Variants in SPRY3 observed in about 807,000 individuals in gnomAD.
SPRY3 encodes sprouty RTK signaling antagonist 3, also known as protein sprouty homolog 3.
SPRY3 carries 15 observed loss-of-function variants against 20.2 expected under a neutral mutation model. The observed-to-expected ratio is 0.74, with a 90% CI of 0.50 to 1.14. The LOEUF (loss-of-function observed/expected upper bound fraction) is 1.14. Ranked by LOEUF, SPRY3 falls within the 50% of genes most tolerant of loss-of-function variation. The probability of loss-of-function intolerance (pLI) is 0.00; values close to 1 mark genes in which losing one functional copy is unlikely to be tolerated. For synonymous variants in SPRY3, 143 were observed against 136.5 expected (o/e 1.05, Z -0.33); for missense variants, 364 against 363.9 (o/e 1.00, Z 0.00).
intron 2 of SPRY3, among the ~76,000 whole-genome samples, chrX:155,677,289 C>T (rs943398676): frequency 1.4e-4 from 16 of 111,646 alleles, no homozygotes; most frequent in African/African-American, 4.2e-4. Flanking sequence ...AACTGATGTT[C>T]TGGGAGATGG....
Position 155,633,506 on chromosome X carries a change from C to T in SPRY3, c.-441+20859C>T, listed in dbSNP as rs1256138917. Among the ~76,000 whole-genome samples the T allele has an allele frequency of 3.6e-5, 4 of 110,267 alleles. No individual in the cohort carries two copies. The East Asian group carries it at 1.1e-3, about 31-fold the overall frequency. The stretch of plus-strand genomic sequence containing the variant: ...TATATACTGTAAACCTTATCCCAAA[C>T]CTTCTCCAAAGGGACCTATAGCCAT... On this transcript the variant is annotated intron_variant, in intron 1 of 3. Coordinates refer to ENST00000675360, the Ensembl canonical transcript of SPRY3.
chrX:155,631,576 A>T (rs1348561489), intron 1 of SPRY3, among the ~76,000 whole-genome samples: 1 of 112,106 alleles, frequency 8.9e-6, no homozygotes, highest in Non-Finnish European at 1.9e-5. Context: ...GTGTATAAGC[A>T]TTCCCTTTTC....
chrX:155,659,131 CTT>C (rs1557353343), intron 2 of SPRY3, among the ~76,000 whole-genome samples: 1 of 100,666 alleles, frequency 9.9e-6, no homozygotes. Context: ...TTCTTTCTTT[CTT>C]TCTTTCTTTC....
chrX:155,735,684 T>G (rs1400545636), intron 2 of SPRY3, among the ~76,000 whole-genome samples: 1 of 152,044 alleles, frequency 6.6e-6, no homozygotes, highest in East Asian at 1.9e-4. Flanking sequence ...CCCTTTACTT[T>G]TAATATATCT....
At chrX:155,672,417 C>G (rs1159735605) in intron 2 of SPRY3, among the ~76,000 whole-genome samples, 1 of 111,111 alleles carries the variant, frequency 9.0e-6, no homozygotes, top group Non-Finnish European at 1.9e-5. Context: ...TATGAACAGA[C>G]ATTTCTCAAA....
intron 2 of SPRY3, among the ~76,000 whole-genome samples, chrX:155,749,572 T>C (rs2091249012): frequency 6.6e-6 from 1 of 151,844 alleles, no homozygotes; most frequent in Non-Finnish European, 1.5e-5. Context: ...TGGAAGTATC[T>C]GGGGGTTTTG....
intron 2 of SPRY3, among the ~76,000 whole-genome samples, chrX:155,683,283 A>G (rs2068078771): frequency 8.9e-6 from 1 of 111,786 alleles, no homozygotes; most frequent in African/African-American, 3.3e-5. Flanking sequence ...AATATTTGTG[A>G]AAGGAAGAGT....
chrX:155,648,141 G>A lies in SPRY3; in HGVS notation c.-440-8726G>A, dbSNP rs1032539433. On this transcript the variant is annotated intron_variant, in intron 1 of 3. Coordinates refer to ENST00000675360, the Ensembl canonical transcript of SPRY3. ...CTGTTCATATCCTTTGCCCAATTTCGATAGGGTTGTTTTTTTCTTGCAAAT... is the reference window on the plus strand; with the variant it reads ...CTGTTCATATCCTTTGCCCAATTTCAATAGGGTTGTTTTTTTCTTGCAAAT... Among the ~76,000 whole-genome samples the A allele has an allele frequency of 4.5e-5, 5 of 111,355 alleles. No individual in the cohort carries two copies. In the East Asian group the frequency reaches 8.3e-4, roughly 19 times the overall value.
At chrX:155,705,752 T>C (rs1453947655) in intron 2 of SPRY3, among the ~76,000 whole-genome samples, 2 of 151,314 alleles carry the variant, frequency 1.3e-5, no homozygotes, top group Non-Finnish European at 1.5e-5. Context: ...AGAAAAGGAA[T>C]ATTAACAGGG....
At chrX:155,704,385 G>C (rs1190637679) in intron 2 of SPRY3, among the ~76,000 whole-genome samples, 1 of 151,566 alleles carries the variant, frequency 6.6e-6, no homozygotes, top group Non-Finnish European at 1.5e-5. Flanking sequence ...TGCCTTTGAG[G>C]GGCCCAACAG....
chrX:155,755,366 T>G (rs1315043294), intron 2 of SPRY3, among the ~76,000 whole-genome samples: 3 of 152,064 alleles, frequency 2.0e-5, no homozygotes, highest in Non-Finnish European at 4.4e-5. Context: ...CCCTCTTTAT[T>G]TAGAAGGCAT....
At chrX:155,720,925 T>C (rs306932) in intron 2 of SPRY3, among the ~76,000 whole-genome samples, 56,616 of 151,830 alleles carry the variant, frequency 0.37, 7,631 homozygotes, top group South Asian at 0.51. Context: ...AAACATGGCC[T>C]CACTAAATGA....
chrX:155,732,933 T>A (rs2091143594), intron 2 of SPRY3, among the ~76,000 whole-genome samples: 1 of 151,954 alleles, frequency 6.6e-6, no homozygotes. Context: ...TTATTTTCAC[T>A]TAGTCATGGG....
chrX:155,757,100 C>G (rs965369529), intron 2 of SPRY3, among the ~76,000 whole-genome samples: 1 of 152,140 alleles, frequency 6.6e-6, no homozygotes, highest in Non-Finnish European at 1.5e-5. Flanking sequence ...CAAAACCCTA[C>G]AATATCTTCT....
chrX:155,714,136 A>G (rs781718259), intron 2 of SPRY3, among the ~76,000 whole-genome samples: 189 of 152,270 alleles, frequency 1.2e-3, no homozygotes, highest in African/African-American at 4.5e-3. Context: ...GTTTCCTTAA[A>G]ACAGCTATTT....
intron 2 of SPRY3, among the ~76,000 whole-genome samples, chrX:155,760,656 C>T (rs974687147): frequency 2.9e-4 from 44 of 152,070 alleles, no homozygotes; most frequent in African/African-American, 8.5e-4. Flanking sequence ...GAAACTTTTC[C>T]GCCTCAGATT....
chrX:155,745,746 TTGCATAATGCTTGGCA>T (rs1279591427), intron 2 of SPRY3, among the ~76,000 whole-genome samples: 2 of 152,114 alleles, frequency 1.3e-5, no homozygotes, highest in African/African-American at 4.8e-5. Context: ...GTAATTTACC[TTGCATAATGCTTGGCA>T]TATAGTAAGC....
At chrX:155,773,910 G>A (rs369276600) in exon 4 of SPRY3, 22 of 1,613,860 alleles carry the variant, frequency 1.4e-5, no homozygotes, top group Non-Finnish European at 1.7e-5. Context: ...AACAAATTCT[G>A]CCTATTGAAC....
At chrX:155,636,304 T>G (rs2067923251) in intron 1 of SPRY3, among the ~76,000 whole-genome samples, 1 of 111,800 alleles carries the variant, frequency 8.9e-6, no homozygotes, top group Non-Finnish European at 1.9e-5. Flanking sequence ...ACTTAGGAAA[T>G]TCTCTGGGGA....
Sources: allele counts gnomAD v4.1 joint callset (sites outside exome capture counted in the v4.1 genomes callset), GRCh38; gene constraint gnomAD v4.1.1; transcripts MANE v1.5; gene names NCBI Gene and HGNC (gene_info 2026-07-23, HGNC 2026-07-21).